Variants in SPIRE1 observed in about 807,000 individuals in gnomAD.
SPIRE1 encodes spire type actin nucleation factor 1, also known as protein spire homolog 1.
Under a neutral mutation model 94.1 loss-of-function variants are expected in SPIRE1, and 40 were observed. That is an observed-to-expected ratio of 0.43 (90% CI 0.33 to 0.55). The LOEUF is 0.55. Ranked by LOEUF, SPIRE1 falls within the 20% of genes least tolerant of loss-of-function variation. The pLI, the probability that SPIRE1 is intolerant of heterozygous loss-of-function variation, is 0.06. For missense variants in SPIRE1, 838 were observed against 975.2 expected, an observed-to-expected ratio of 0.86 and a Z score of 1.87; for synonymous variants, 376 against 371.7, an observed-to-expected ratio of 1.01 and a Z score of -0.13.
At chr18:12,615,803 C>A (rs2037291068) in intron 2 of SPIRE1, among the ~76,000 whole-genome samples, 1 of 151,630 alleles carries the variant, frequency 6.6e-6, no homozygotes, top group South Asian at 2.1e-4. Flanking sequence ...TTGCTTGATT[C>A]CTAAAATGTT....
chr18:12,619,796 A>C (rs2144733460), intron 2 of SPIRE1, among the ~76,000 whole-genome samples: 1 of 150,622 alleles, frequency 6.6e-6, no homozygotes, highest in African/African-American at 2.4e-5. Context: ...TGGTGAGCCA[A>C]GATCGCGGCA....
At chr18:12,546,090 C>T (rs941617096) in intron 3 of SPIRE1, among the ~76,000 whole-genome samples, 7 of 151,998 alleles carry the variant, frequency 4.6e-5, no homozygotes, top group South Asian at 2.1e-4. Flanking sequence ...CCCAGGTTCA[C>T]GCCATTCTCC....
intron 2 of SPIRE1, among the ~76,000 whole-genome samples, chr18:12,555,621 C>A (rs1019738293): frequency 6.6e-6 from 1 of 152,086 alleles, no homozygotes; most frequent in African/African-American, 2.4e-5. Context: ...CTTCAACATC[C>A]CTTCATGATA....
intron 8 of SPIRE1, among the ~76,000 whole-genome samples, chr18:12,492,856 T>A (rs112574142): frequency 1.3e-5 from 2 of 152,104 alleles, no homozygotes; most frequent in Non-Finnish European, 2.9e-5. Flanking sequence ...GGCGGAAGGA[T>A]TTCCCACCCT....
At chr18:12,649,734 A>G (rs2038324486) in intron 1 of SPIRE1, among the ~76,000 whole-genome samples, 1 of 152,212 alleles carries the variant, frequency 6.6e-6, no homozygotes, top group African/African-American at 2.4e-5. Context: ...CAAAACTCTT[A>G]GTGAGGCCAA....
chr18:12,606,992 A>G (rs2036997069), intron 2 of SPIRE1, among the ~76,000 whole-genome samples: 1 of 152,220 alleles, frequency 6.6e-6, no homozygotes, highest in African/African-American at 2.4e-5. Flanking sequence ...CAAATTTCAG[A>G]AAATATTTCA....
At chr18:12,612,643 T>C (rs114447029) in intron 2 of SPIRE1, among the ~76,000 whole-genome samples, 3,253 of 152,292 alleles carry the variant, frequency 0.021, 118 homozygotes, top group African/African-American at 0.07. Flanking sequence ...TCTAGGAAAT[T>C]TGTATGCATA....
chr18:12,631,486 AG>A (rs35395304), intron 2 of SPIRE1, among the ~76,000 whole-genome samples: 2,964 of 134,546 alleles, frequency 0.022, 36 homozygotes, highest in Middle Eastern at 0.032. Flanking sequence ...CCGAGGCATG[AG>A]GACTGCTTGA....
At chr18:12,453,824 C>T (rs574149316) in intron 13 of SPIRE1, among the ~76,000 whole-genome samples, 105 of 151,540 alleles carry the variant, frequency 6.9e-4, no homozygotes, top group African/African-American at 2.3e-3. Context: ...CTCACTATGT[C>T]ACCAGGCTGG....
At chr18:12,548,297 T>A (rs2035231615) in intron 2 of SPIRE1, among the ~76,000 whole-genome samples, 1 of 152,166 alleles carries the variant, frequency 6.6e-6, no homozygotes, top group African/African-American at 2.4e-5. Context: ...AAAAAGTGCA[T>A]CACAAATAAA....
intron 4 of SPIRE1, among the ~76,000 whole-genome samples, chr18:12,529,977 A>G (rs2034638755): frequency 6.6e-6 from 1 of 152,178 alleles, no homozygotes; most frequent in Admixed American, 6.5e-5. Context: ...AAATAATTTT[A>G]TTTTTAGCCT....
intron 2 of SPIRE1, among the ~76,000 whole-genome samples, chr18:12,579,467 G>A (rs895905736): frequency 2.0e-5 from 3 of 152,130 alleles, no homozygotes; most frequent in African/African-American, 7.2e-5. Context: ...TAGATTTAAG[G>A]TTAGCAGCAG....
Position 12,549,440 on chromosome 18 carries a change from T to G in SPIRE1, c.373-2536A>C, listed in dbSNP as rs867730784. Among the ~76,000 whole-genome samples the G allele has an allele frequency of 7.9e-3, 254 of 32,282 alleles. 3 individuals are homozygous for G. Among genetic ancestry groups the G allele is most frequent in the Non-Finnish European group, 9.9e-3 (167 of 16,916 alleles). 21.2% of individuals were successfully genotyped at this position (32,282 alleles called of 152,430 possible). A position where few individuals can be genotyped will look rare whatever the true frequency, so the allele number is the denominator to read the frequency against. Reference sequence around the variant, plus strand: ...TTTTTGTTTGTTTTTGTTATTGTTGTTTTTTTTTTTTTTTTTTTTTTTTTT... The same window carrying G: ...TTTTTGTTTGTTTTTGTTATTGTTGGTTTTTTTTTTTTTTTTTTTTTTTTT... On this transcript the variant is annotated intron_variant, in intron 2 of 16. Coordinates refer to ENST00000409402, the MANE Select transcript of SPIRE1 (RefSeq NM_001128626.2).
intron 3 of SPIRE1, 114 bp downstream of exon 3, chr18:12,546,560 C>T: frequency 6.3e-6 from 5 of 787,560 alleles, no homozygotes; most frequent in Non-Finnish European, 1.1e-5. Flanking sequence ...ATGATCACAC[C>T]ACTGCACTCT....
chr18:12,636,733 A>T (rs1011241959), intron 1 of SPIRE1, among the ~76,000 whole-genome samples: 6 of 152,314 alleles, frequency 3.9e-5, no homozygotes, highest in Admixed American at 3.3e-4. Flanking sequence ...AGGGTTTGAT[A>T]AGTATAAGAC....
At chr18:12,472,958 A>AT (rs963871779) in intron 10 of SPIRE1, among the ~76,000 whole-genome samples, 27 of 150,908 alleles carry the variant, frequency 1.8e-4, no homozygotes, top group East Asian at 1.4e-3. Flanking sequence ...AAGCCTGGCT[A>AT]TTTTTTTTGT....
intron 2 of SPIRE1, among the ~76,000 whole-genome samples, chr18:12,591,968 CAAAAAAAAAAAAAA>C (rs35668057): frequency 5.9e-5 from 4 of 67,434 alleles, no homozygotes; most frequent in Non-Finnish European, 1.1e-4. Context: ...GACTCCATCT[CAAAAAAAAAAAAAA>C]AAAAAAAAAA....
At position 12,649,752 on chromosome 18, in the gene SPIRE1, C is replaced by A. The variant is rs928396254; in HGVS notation, c.337+7778G>T. On this transcript the variant is annotated intron_variant, in intron 1 of 16. Coordinates refer to ENST00000409402, the MANE Select transcript of SPIRE1 (RefSeq NM_001128626.2). ...AACTCTTAGTGAGGCCAATGGTTTC[C>A]TAAGAGTCCTAACTTACTTGAGGAC... Among the ~76,000 whole-genome samples, 6 of 152,166 alleles carry A rather than the reference C, an allele frequency of 3.9e-5. No individual in the cohort carries two copies. In the South Asian group the frequency reaches 1.2e-3, roughly 32 times the overall value.
intron 9 of SPIRE1, among the ~76,000 whole-genome samples, chr18:12,480,914 T>G (rs1197110629): frequency 6.6e-6 from 1 of 152,228 alleles, no homozygotes; most frequent in East Asian, 1.9e-4. Context: ...ACTCGACTGC[T>G]CTTTGCATGC....
Sources: allele counts gnomAD v4.1 joint callset (sites outside exome capture counted in the v4.1 genomes callset), GRCh38; gene constraint gnomAD v4.1.1; transcripts MANE v1.5; gene names NCBI Gene and HGNC (gene_info 2026-07-23, HGNC 2026-07-21).